DAB1: variants seen among roughly 807,000 people sequenced by gnomAD.
DAB1 encodes the protein disabled homolog 1.
Under a neutral mutation model 64.6 loss-of-function variants are expected in DAB1, and 15 were observed. The ratio of observed to expected loss-of-function variants is 0.23; its 90% CI spans 0.16 to 0.36. The LOEUF is 0.36. Among genes scored for constraint, DAB1 ranks in the 10% least tolerant of loss-of-function variants. The pLI, the probability that DAB1 is intolerant of heterozygous loss-of-function variation, is 1.00. For synonymous variants in DAB1, 235 were observed against 251.9 expected, an observed-to-expected ratio of 0.93 and a Z score of 0.64; for missense variants, 596 against 706.7, an observed-to-expected ratio of 0.84 and a Z score of 1.78.
intron 2 of DAB1, among the ~76,000 whole-genome samples, chr1:58,524,387 G>C (rs1019558988): frequency 6.6e-6 from 1 of 152,100 alleles, no homozygotes. Context: ...TCCTTCGCTG[G>C]CATTAAATTC....
At chr1:57,535,470 CTTTT>C (rs11358277) in intron 7 of DAB1, among the ~76,000 whole-genome samples, 2 of 130,500 alleles carry the variant, frequency 1.5e-5, no homozygotes, top group African/African-American at 2.9e-5. Context: ...GTTGGACATT[CTTTT>C]TTTTTTTTTT....
At chr1:58,423,580 C>A (rs1644793504) in intron 3 of DAB1, among the ~76,000 whole-genome samples, 1 of 152,202 alleles carries the variant, frequency 6.6e-6, no homozygotes, top group South Asian at 2.1e-4. Flanking sequence ...TCCTTCAGCT[C>A]CCAGATGGAT....
At chr1:57,591,866 G>A (rs1464278818) in intron 7 of DAB1, among the ~76,000 whole-genome samples, 2 of 152,100 alleles carry the variant, frequency 1.3e-5, no homozygotes, top group Non-Finnish European at 2.9e-5. Context: ...TAGGTGTAGC[G>A]GAGTCTTTCA....
chr1:57,421,229 C>T (rs1025293317), intron 1 of DAB1, among the ~76,000 whole-genome samples: 1 of 152,148 alleles, frequency 6.6e-6, no homozygotes, highest in East Asian at 1.9e-4. Context: ...GATACAATCT[C>T]TTCCCGGCAG....
At chr1:57,104,213 T>A (rs936754113) in intron 4 of DAB1, among the ~76,000 whole-genome samples, 2 of 152,132 alleles carry the variant, frequency 1.3e-5, no homozygotes, top group African/African-American at 4.8e-5. Flanking sequence ...TGCTGCAACA[T>A]CCAAGTGTGT....
intron 1 of DAB1, among the ~76,000 whole-genome samples, chr1:57,366,166 G>A (rs1679978497): frequency 6.6e-6 from 1 of 152,138 alleles, no homozygotes; most frequent in African/African-American, 2.4e-5. Context: ...ACAGCAAAAT[G>A]GCATTACTCC....
intron 3 of DAB1, among the ~76,000 whole-genome samples, chr1:58,355,063 G>A (rs952848449): frequency 3.3e-5 from 5 of 152,128 alleles, no homozygotes; most frequent in African/African-American, 4.8e-5. Flanking sequence ...AACGTCTCCT[G>A]TGTGCTGTTC....
At chr1:57,681,133 A>C (rs2101697855) in intron 6 of DAB1, among the ~76,000 whole-genome samples, 1 of 152,280 alleles carries the variant, frequency 6.6e-6, no homozygotes, top group East Asian at 1.9e-4. Flanking sequence ...TGTAGGAGAG[A>C]ATCCTCCTTT....
At chr1:57,291,983 T>C (rs932327718) in intron 1 of DAB1, among the ~76,000 whole-genome samples, 1 of 152,212 alleles carries the variant, frequency 6.6e-6, no homozygotes, top group Non-Finnish European at 1.5e-5. Context: ...AAATATACAG[T>C]ATTCTCTTTG....
chr1:57,093,037 A>G (rs1653838475), intron 4 of DAB1, among the ~76,000 whole-genome samples: 1 of 152,162 alleles, frequency 6.6e-6, no homozygotes, highest in African/African-American at 2.4e-5. Flanking sequence ...AGGGCCTGAT[A>G]AGATAATGCA....
chr1:57,462,827 T>C (rs1277559243), intron 7 of DAB1, among the ~76,000 whole-genome samples: 1 of 152,150 alleles, frequency 6.6e-6, no homozygotes, highest in African/African-American at 2.4e-5. Context: ...ATGTAGTGCT[T>C]GCAGAGCACT....
intron 7 of DAB1, among the ~76,000 whole-genome samples, chr1:57,505,455 T>C (rs542758352): frequency 1.5e-4 from 23 of 152,076 alleles, no homozygotes; most frequent in Non-Finnish European, 2.8e-4. Context: ...TGACACTATA[T>C]TGCACCTCCA....
intron 7 of DAB1, among the ~76,000 whole-genome samples, chr1:57,450,435 G>T (rs923597962): frequency 6.6e-6 from 1 of 152,092 alleles, no homozygotes; most frequent in African/African-American, 2.4e-5. Flanking sequence ...TCAGAATTCT[G>T]GTTTCTTCTT....
intron 9 of DAB1, among the ~76,000 whole-genome samples, chr1:57,055,126 C>A (rs1321699957): frequency 6.6e-6 from 1 of 152,170 alleles, no homozygotes; most frequent in African/African-American, 2.4e-5. Context: ...TTTCAGACAC[C>A]CTGACATAAA....
chr1:58,023,928 C>T (rs1266182343), intron 5 of DAB1, among the ~76,000 whole-genome samples: 4 of 131,896 alleles, frequency 3.0e-5, no homozygotes, highest in Non-Finnish European at 6.9e-5. Flanking sequence ...CCTCCAAAGC[C>T]CTATCATGTA....
At chr1:58,314,625 T>C (rs1223747341) in intron 4 of DAB1, among the ~76,000 whole-genome samples, 1 of 152,178 alleles carries the variant, frequency 6.6e-6, no homozygotes, top group Admixed American at 6.5e-5. Context: ...TTATTCTTGC[T>C]CCATTTTAGC....
At chr1:57,898,956 G>T (rs1644433305) in intron 5 of DAB1, among the ~76,000 whole-genome samples, 1 of 152,050 alleles carries the variant, frequency 6.6e-6, no homozygotes, top group African/African-American at 2.4e-5. Context: ...GGGGTAAGGT[G>T]GGGGTAATGA....
chr1:57,311,108 A>G (rs1174883803), intron 1 of DAB1, among the ~76,000 whole-genome samples: 1 of 152,142 alleles, frequency 6.6e-6, no homozygotes, highest in Non-Finnish European at 1.5e-5. Context: ...CACTGCTCCA[A>G]TTTGTTCATT....
intron 2 of DAB1, among the ~76,000 whole-genome samples, chr1:57,188,888 T>A (rs1663859266): frequency 6.6e-6 from 1 of 152,170 alleles, no homozygotes; most frequent in African/African-American, 2.4e-5. Flanking sequence ...TCTTAAAAAA[T>A]TTTCTCACTT....
Sources: gnomAD v4.1 joint callset for allele counts (sites outside exome capture counted in the v4.1 genomes callset) on GRCh38, gnomAD v4.1.1 for gene constraint, MANE v1.5 for transcripts, NCBI Gene and HGNC (gene_info 2026-07-23, HGNC 2026-07-21) for gene names.